The following CCDC91 variants were observed in gnomAD, a reference collection of about 807,000 sequenced individuals.
CCDC91 encodes coiled-coil domain containing 91, also known as coiled-coil domain-containing protein 91.
Under a neutral mutation model 63.2 loss-of-function variants are expected in CCDC91, and 48 were observed. That is an observed-to-expected ratio of 0.76 (90% CI 0.60 to 0.97). The LOEUF (loss-of-function observed/expected upper bound fraction) is 0.97. Ranked by LOEUF, CCDC91 falls within the 50% of genes least tolerant of loss-of-function variation. CCDC91 has a pLI of 0.00. For missense variants in CCDC91, 500 were observed against 494.6 expected (o/e 1.01, Z -0.10); for synonymous variants, 167 against 165.8 (o/e 1.01, Z -0.06).
At chr12:28,271,202 C>T (rs1237044979) in intron 3 of CCDC91, among the ~76,000 whole-genome samples, 2 of 152,046 alleles carry the variant, frequency 1.3e-5, no homozygotes, top group African/African-American at 4.8e-5. Flanking sequence ...AAAAGCTTTA[C>T]AGCAGAGACA....
At chr12:28,307,836 A>G (rs1191559629) in intron 6 of CCDC91, 87 bp downstream of exon 6, 10 of 716,870 alleles carry the variant, frequency 1.4e-5, no homozygotes, top group Non-Finnish European at 2.4e-5. Context: ...TGAATATCTT[A>G]TGAATGAAGA....
chr12:28,359,160 C>T (rs992124834), intron 6 of CCDC91, among the ~76,000 whole-genome samples: 14 of 152,196 alleles, frequency 9.2e-5, no homozygotes, highest in Non-Finnish European at 1.3e-4. Context: ...TCCCAAAGTG[C>T]TGGGATTACG....
At position 28,242,014 on chromosome 12, in the gene CCDC91, A is replaced by AG. The variant is rs1388235481; in HGVS notation, c.-14-15188_-14-15187insG. The stretch of plus-strand genomic sequence containing the variant: ...CCTTCTCAAAAAAAAAAAAAAAAAA[A>AG]AACGAAACAAAAAAAACTCATATTA... On this transcript the variant is annotated intron_variant, in intron 1 of 12. Coordinates refer to ENST00000536442, the MANE Select transcript of CCDC91 (RefSeq NM_018318.5). Among the ~76,000 whole-genome samples the AG allele has an allele frequency of 1.6e-4, 24 of 151,536 alleles. 1 individual carries two copies. Among genetic ancestry groups the AG allele is most frequent in the Non-Finnish European group, 1.6e-4 (11 of 67,820 alleles).
At chr12:28,372,412 T>C (rs1408098107) in intron 7 of CCDC91, among the ~76,000 whole-genome samples, 1 of 152,184 alleles carries the variant, frequency 6.6e-6, no homozygotes, top group Non-Finnish European at 1.5e-5. Flanking sequence ...GTAGATTGCT[T>C]TGGGCAGTGT....
chr12:28,355,715 C>G (rs1168130938), intron 6 of CCDC91, among the ~76,000 whole-genome samples: 1 of 152,164 alleles, frequency 6.6e-6, no homozygotes, highest in African/African-American at 2.4e-5. Flanking sequence ...TGCATACCTT[C>G]CTCACTGTAT....
intron 11 of CCDC91, among the ~76,000 whole-genome samples, chr12:28,460,317 T>C (rs1478133832): frequency 6.6e-5 from 10 of 152,152 alleles, no homozygotes; most frequent in Non-Finnish European, 1.2e-4. Context: ...CATATGAGAC[T>C]GTAACTGCTT....
chr12:28,252,447 A>T (rs1209623433), intron 1 of CCDC91, among the ~76,000 whole-genome samples: 2 of 150,894 alleles, frequency 1.3e-5, no homozygotes, highest in Admixed American at 6.6e-5. Context: ...ACTTTTTTTT[A>T]CTCTGACTTC....
chr12:28,191,733 A>T (rs1334196914), intron 1 of CCDC91, among the ~76,000 whole-genome samples: 1 of 152,120 alleles, frequency 6.6e-6, no homozygotes, highest in Non-Finnish European at 1.5e-5. Context: ...TGATCACCTG[A>T]TTGCCCTCTG....
At chr12:28,464,069 G>A (rs1272410381) in intron 11 of CCDC91, among the ~76,000 whole-genome samples, 1 of 152,138 alleles carries the variant, frequency 6.6e-6, no homozygotes, top group Admixed American at 6.5e-5. Context: ...CATTGATTCA[G>A]TGCTGCCCTT....
chr12:28,387,634 G>C lies in CCDC91; in HGVS notation c.655-3670G>C, dbSNP rs570331125. Among the ~76,000 whole-genome samples, 44 of 152,206 alleles carry C rather than the reference G, an allele frequency of 2.9e-4. No homozygotes were observed. In the South Asian group the frequency reaches 8.5e-3, roughly 29 times the overall value. On this transcript the variant is annotated intron_variant, in intron 7 of 12. Transcript: ENST00000536442. The stretch of plus-strand genomic sequence containing the variant: ...AGCTCCCACTTATAGATGAGAACAT[G>C]TGATGTTTGGTTTTCCATTTCTGAG...
intron 12 of CCDC91, among the ~76,000 whole-genome samples, chr12:28,498,661 C>G (rs1406809386): frequency 6.6e-6 from 1 of 151,696 alleles, no homozygotes; most frequent in East Asian, 1.9e-4. Flanking sequence ...GCTATCTTCT[C>G]TCCTACCAAC....
chr12:28,489,685 G>A (rs1287276047), intron 12 of CCDC91, among the ~76,000 whole-genome samples: 2 of 151,826 alleles, frequency 1.3e-5, no homozygotes, highest in African/African-American at 2.4e-5. Context: ...TTTTAGAGAA[G>A]AGTAAGAAGC....
chr12:28,302,290 A>G (rs1938160866), intron 3 of CCDC91, among the ~76,000 whole-genome samples: 1 of 151,982 alleles, frequency 6.6e-6, no homozygotes, highest in African/African-American at 2.4e-5. Context: ...AGGTGTGAAA[A>G]GATTTCTGGA....
chr12:28,455,695 T>C (rs1211173837), intron 11 of CCDC91, among the ~76,000 whole-genome samples: 2 of 151,974 alleles, frequency 1.3e-5, no homozygotes, highest in Admixed American at 1.3e-4. Flanking sequence ...TCTTTGTAGC[T>C]TTGCCTGCAG....
At chr12:28,246,668 T>C (rs1945758104) in intron 1 of CCDC91, among the ~76,000 whole-genome samples, 1 of 152,006 alleles carries the variant, frequency 6.6e-6, no homozygotes, top group South Asian at 2.1e-4. Context: ...AATGAAAGGA[T>C]TGGAGAGCAG....
intron 3 of CCDC91, among the ~76,000 whole-genome samples, chr12:28,287,259 A>C (rs555019579): frequency 2.2e-4 from 33 of 152,134 alleles, no homozygotes; most frequent in African/African-American, 7.7e-4. Flanking sequence ...TGCTTTTGGC[A>C]TGTTTGTCAT....
chr12:28,368,225 T>C (rs1332837108), intron 7 of CCDC91, among the ~76,000 whole-genome samples: 1 of 152,212 alleles, frequency 6.6e-6, no homozygotes, highest in African/African-American at 2.4e-5. Context: ...CATCAGAAAC[T>C]ATGGAGGTCA....
At chr12:28,406,020 A>G (rs1390792466) in intron 8 of CCDC91, among the ~76,000 whole-genome samples, 1 of 152,110 alleles carries the variant, frequency 6.6e-6, no homozygotes, top group South Asian at 2.1e-4. Context: ...GGTGAATCCA[A>G]TCAGGTAATT....
rs1202817835 is a variant in CCDC91, at chr12:28,441,300, A to C, written c.763-8861A>C. On this transcript the variant is annotated intron_variant, in intron 8 of 12. Transcript: ENST00000536442. The stretch of plus-strand genomic sequence containing the variant: ...AACTCTCATACATTACTGGTAGTAC[A>C]ACCATTTTGGAAAAAGATTTGACAG... Among the ~76,000 whole-genome samples the C allele has an allele frequency of 2.0e-5, 3 of 152,028 alleles. No homozygotes were observed. The East Asian group carries it at 5.8e-4, about 29-fold the overall frequency.
Sources: allele counts gnomAD v4.1 joint callset (sites outside exome capture counted in the v4.1 genomes callset), GRCh38; gene constraint gnomAD v4.1.1; transcripts MANE v1.5; gene names NCBI Gene and HGNC (gene_info 2026-07-23, HGNC 2026-07-21).